Variants in LRRIQ1 observed in about 807,000 individuals in gnomAD.
LRRIQ1 encodes leucine rich repeats and IQ motif containing 1, also known as leucine-rich repeat- and IQ domain-containing protein 1.
Under a neutral mutation model 211.9 loss-of-function variants are expected in LRRIQ1, and 210 were observed. The observed-to-expected ratio is 0.99, with a 90% CI of 0.89 to 1.11. The LOEUF (loss-of-function observed/expected upper bound fraction) is 1.11, where lower values mean the gene tolerates loss of function less well. Ranked by LOEUF, LRRIQ1 falls within the 50% of genes most tolerant of loss-of-function variation. LRRIQ1 has a pLI of 0.00. For synonymous variants in LRRIQ1, 699 were observed against 650.1 expected (o/e 1.08, Z -1.14); for missense variants, 2,136 against 1,939.5 (o/e 1.10, Z -1.90).
chr12:85,114,666 TA>T (rs1299386946), intron 15 of LRRIQ1, among the ~76,000 whole-genome samples: 4 of 138,064 alleles, frequency 2.9e-5, no homozygotes, highest in Admixed American at 7.6e-5. Flanking sequence ...TGAAAGAAAA[TA>T]AATAATATTT....
At chr12:85,185,804 A>G (rs949889433) in intron 24 of LRRIQ1, among the ~76,000 whole-genome samples, 7 of 151,966 alleles carry the variant, frequency 4.6e-5, no homozygotes, top group Non-Finnish European at 1.0e-4. Flanking sequence ...TCAGCTACCT[A>G]TTTATAAACA....
intron 8 of LRRIQ1, among the ~76,000 whole-genome samples, chr12:85,062,071 G>A (rs1881874821): frequency 2.0e-5 from 3 of 151,806 alleles, no homozygotes; most frequent in Non-Finnish European, 4.4e-5. Context: ...CGTACAAAGA[G>A]GAGTTACTGC....
intron 24 of LRRIQ1, among the ~76,000 whole-genome samples, chr12:85,192,968 T>TATATATAAATATATAATTATATAATATA (rs1565894857): frequency 5.9e-4 from 16 of 27,190 alleles, no homozygotes; most frequent in Non-Finnish European, 3.2e-4. Flanking sequence ...ATAATATAAT[T>TATATATAAATATATAATTATATAATATA]ATATATAAAT....
intron 2 of LRRIQ1, among the ~76,000 whole-genome samples, chr12:85,039,131 C>CAA (rs1325670685): frequency 1.3e-5 from 2 of 150,678 alleles, no homozygotes; most frequent in African/African-American, 4.9e-5. Context: ...TTAAATGAGG[C>CAA]AAAAAAATCT....
intron 26 of LRRIQ1, among the ~76,000 whole-genome samples, chr12:85,235,255 T>G (rs565586230): frequency 2.0e-5 from 3 of 152,324 alleles, no homozygotes; most frequent in Admixed American, 2.0e-4. Context: ...ATTTTATATT[T>G]AATTGACTAA....
chr12:85,178,107 T>C (rs191524899), intron 24 of LRRIQ1, among the ~76,000 whole-genome samples: 1 of 152,122 alleles, frequency 6.6e-6, no homozygotes, highest in East Asian at 1.9e-4. Context: ...TTCTATCACT[T>C]TCTTTCCTTC....
In LRRIQ1 at chr12:85,066,817, C is replaced by G; in HGVS notation, c.2614C>G (p.Gln872Glu). 1.3e-6 allele frequency: 2 copies of G among 1,596,602 alleles called. No homozygotes were observed. Among genetic ancestry groups the G allele is most frequent in the Non-Finnish European group, 1.7e-6 (2 of 1,169,308 alleles). ...CTGTGTTGTTCTTCTTAATAAAAAT[C>G]AACTGACTTCTCTTCATGGTTTGGA... ...NLCVVLLNKN[Q>E]LTSLHGLDGC... Residue 872 changes from glutamine to glutamate, a missense_variant, in exon 10 of 27, where the codon CAA becomes GAA. By Grantham distance (29) the Gln-to-Glu change is conservative (BLOSUM62 2). Transcript: ENST00000393217.
chr12:85,149,408 A>G (rs1221781109), intron 19 of LRRIQ1, among the ~76,000 whole-genome samples: 2 of 151,878 alleles, frequency 1.3e-5, no homozygotes, highest in South Asian at 2.1e-4. Context: ...TGAACAGGAG[A>G]TCTTTTTCCC....
chr12:85,137,341 C>T (rs1418230430), intron 18 of LRRIQ1, among the ~76,000 whole-genome samples: 1 of 151,336 alleles, frequency 6.6e-6, no homozygotes, highest in Non-Finnish European at 1.5e-5. Flanking sequence ...TCCAGGATTA[C>T]TGAGGAATCT....
At chr12:85,059,500 A>C (rs1881529882) in intron 8 of LRRIQ1, among the ~76,000 whole-genome samples, 1 of 152,028 alleles carries the variant, frequency 6.6e-6, no homozygotes, top group African/African-American at 2.4e-5. Flanking sequence ...TGACATTGTG[A>C]GAAATGATCA....
chr12:85,173,957 A>G (rs1363764325), intron 24 of LRRIQ1, among the ~76,000 whole-genome samples: 2 of 152,274 alleles, frequency 1.3e-5, no homozygotes, highest in East Asian at 1.9e-4. Context: ...GTATTACAAT[A>G]TAGGACTCAT....
At chr12:85,111,000 A>G (rs748127452) in intron 15 of LRRIQ1, among the ~76,000 whole-genome samples, 7 of 152,144 alleles carry the variant, frequency 4.6e-5, no homozygotes, top group East Asian at 3.9e-4. Flanking sequence ...TAGAAACCTT[A>G]TGATTTGAAT....
chr12:85,154,165 T>C (rs1890411431), intron 23 of LRRIQ1, 71 bp downstream of exon 23: 1 of 787,400 alleles, frequency 1.3e-6, no homozygotes, highest in Non-Finnish European at 1.9e-6. Flanking sequence ...AAAATATATT[T>C]TATAAATTAT....
intron 11 of LRRIQ1, among the ~76,000 whole-genome samples, chr12:85,078,951 A>G (rs1883973787): frequency 6.6e-6 from 1 of 152,208 alleles, no homozygotes; most frequent in Non-Finnish European, 1.5e-5. Context: ...TATACTGGGA[A>G]GAAGGGTGTT....
At position 85,104,089 on chromosome 12, in the gene LRRIQ1, A is replaced by T; in HGVS notation, c.3283+12A>T. On this transcript the variant is annotated intron_variant, in intron 14 of 26. Transcript: ENST00000393217. The stretch of plus-strand genomic sequence containing the variant: ...CAATTGTCTTTCTGGTAAGTTTAGC[A>T]TAATATATATATTTTAATAATAGAC... The T allele has an allele frequency of 7.5e-7, 1 of 1,329,076 alleles. No individual in the cohort carries two copies. The highest frequency in any genetic ancestry group is 1.0e-6 in the Non-Finnish European group (1 of 993,542). The allele number at this position is 1,329,076 out of a possible 1,614,324, so 82.3% of individuals were successfully genotyped here. A position where few individuals can be genotyped will look rare whatever the true frequency, so the allele number is the denominator to read the frequency against.
At chr12:85,075,781 C>T (rs1032531210) in intron 11 of LRRIQ1, among the ~76,000 whole-genome samples, 1 of 151,820 alleles carries the variant, frequency 6.6e-6, no homozygotes, top group Non-Finnish European at 1.5e-5. Context: ...TTGAGAGGAA[C>T]TCATGAGACT....
At chr12:85,135,622 A>G (rs911346094) in intron 18 of LRRIQ1, among the ~76,000 whole-genome samples, 1 of 128,890 alleles carries the variant, frequency 7.8e-6, no homozygotes, top group Non-Finnish European at 1.7e-5. Flanking sequence ...TTTTAGATTA[A>G]TGAGGTCTCC....
At chr12:85,129,985 G>C (rs1442100658) in intron 18 of LRRIQ1, among the ~76,000 whole-genome samples, 1 of 152,146 alleles carries the variant, frequency 6.6e-6, no homozygotes, top group Non-Finnish European at 1.5e-5. Flanking sequence ...ATTTTATCTT[G>C]AGAGTAAATA....
At chr12:85,202,870 G>C (rs1350942070) in intron 24 of LRRIQ1, among the ~76,000 whole-genome samples, 5 of 152,172 alleles carry the variant, frequency 3.3e-5, no homozygotes, top group Non-Finnish European at 7.4e-5. Context: ...TGGTGGCTGT[G>C]TAGTCTCACT....
Sources: allele counts gnomAD v4.1 joint callset (sites outside exome capture counted in the v4.1 genomes callset), GRCh38; gene constraint gnomAD v4.1.1; transcripts MANE v1.5; gene names NCBI Gene and HGNC (gene_info 2026-07-23, HGNC 2026-07-21).